ELL3: variants seen among roughly 807,000 people sequenced by gnomAD.
The protein encoded by ELL3 is RNA polymerase II elongation factor ELL3.
ELL3 carries 48 observed loss-of-function variants against 58.5 expected under a neutral mutation model. The observed-to-expected ratio is 0.82, with a 90% confidence interval of 0.65 to 1.04. The LOEUF is 1.04. Among genes scored for constraint, ELL3 ranks in the 50% least tolerant of loss-of-function variants. The pLI is 0.00. For missense variants in ELL3, 458 were observed against 478.4 expected, an observed-to-expected ratio of 0.96 and a Z score of 0.40; for synonymous variants, 174 against 173.2, an observed-to-expected ratio of 1.00 and a Z score of -0.04.
In ELL3 at chr15:43,772,886, T is replaced by A. The variant is rs369454452; in HGVS notation, c.*230A>T. ...TAAAGGTAAAAAAGCCAAGCCTCTG[T>A]CACTTTTCCTAGACTCCTAGGCACA... On this transcript the variant is annotated 3_prime_UTR_variant, in exon 11 of 11. Coordinates refer to ENST00000319359, the MANE Select transcript of ELL3 (RefSeq NM_025165.3). 8 of 373,946 alleles carry A rather than the reference T, an allele frequency of 2.1e-5. No individual in the cohort carries two copies. The highest frequency in any genetic ancestry group is 1.7e-4 in the African/African-American group (8 of 48,026). The allele number at this position is 373,946 out of a possible 1,614,324, so 23.2% of individuals were successfully genotyped here.
chr15:43,775,410 T>A (rs755067689), intron 5 of ELL3, 29 bp from the exon 6 acceptor site: 2 of 1,610,472 alleles, frequency 1.2e-6, no homozygotes, highest in Middle Eastern at 1.7e-4. Context: ...ATGGGACAGA[T>A]GAAGACCAGG....
At position 43,776,890 on chromosome 15, in the gene ELL3, G is replaced by A; in HGVS notation, c.12C>T (p.Leu4=). The change falls in exon 1 of 11, where the codon CTC becomes CTT. Residue 4 remains leucine (L), a synonymous_variant. Transcript: ENST00000319359. ...GGAGCTGTCCTCTCAGAGGCTCCTG[G>A]AGCTCCTCCATGGCGACGAGTTCGA... MEE[L]QEPLRGQLRL... is the part of the protein sequence containing the mutation. 1 of 1,611,186 alleles carries A rather than the reference G, an allele frequency of 6.2e-7. No homozygotes were observed. The highest frequency in any genetic ancestry group is 8.5e-7 in the Non-Finnish European group (1 of 1,179,826).
In ELL3 at chr15:43,775,552, C is replaced by CT; in HGVS notation, c.541dup (p.Arg181LysfsTer80). Reference sequence around the variant, plus strand: ...CACTTCCCACTGTGCCATGTGCTCCCTTGAGGATCCTGGGAGTGACTGTCC... The same window carrying CT: ...CACTTCCCACTGTGCCATGTGCTCCCTTTGAGGATCCTGGGAGTGACTGTCC... On this transcript the variant is annotated frameshift_variant, in exon 5 of 11. Coordinates refer to ENST00000319359, the MANE Select transcript of ELL3 (RefSeq NM_025165.3). LOFTEE classifies it high-confidence loss of function. 3.1e-6 allele frequency: 5 copies of CT among 1,614,170 alleles called. No homozygotes were observed. Among genetic ancestry groups the CT allele is most frequent in the Non-Finnish European group, 4.2e-6 (5 of 1,180,022 alleles).
rs763915130 is a variant in ELL3 at position 43,776,048 on chromosome 15, C to A, written c.272G>T (p.Arg91Leu). Residue 91 changes from arginine to leucine, a missense_variant, in exon 3 of 11, where the codon CGC becomes CTC. Physicochemically the swap from Arg to Leu is moderately radical, Grantham distance 102 (BLOSUM62 -2). Coordinates refer to ENST00000319359, the MANE Select transcript of ELL3 (RefSeq NM_025165.3). ...AGGSLDLVCQ[R>L]FLRSGPNSLH... ...ACCTGTTCCCCCTCACCTGAGGAAG[C>A]GTTGGCACACAAGGTCCAAGCTACC... is the stretch of plus-strand genomic sequence containing the variant. 2.5e-6 allele frequency: 4 copies of A among 1,613,946 alleles called. No homozygotes were observed. Among genetic ancestry groups the A allele is most frequent in the African/African-American group, 2.7e-5 (2 of 74,898 alleles).
rs770900024 is a variant in ELL3, at chr15:43,775,419, G to C, written c.570-38C>G. 5.0e-6 allele frequency: 8 copies of C among 1,608,018 alleles called. No homozygotes were observed. The East Asian group carries it at 1.1e-4, about 22-fold the overall frequency. ...AAGGGAATGGGACAGATGAAGACCA[G>C]GGTAGGAGGTGGAACTGGATCTTTT... On this transcript the variant is annotated intron_variant, in intron 5 of 10. Coordinates refer to ENST00000319359, the MANE Select transcript of ELL3 (RefSeq NM_025165.3).
rs1244771253 is a variant in ELL3, at chr15:43,774,209, T to C, written c.1011A>G (p.Arg337=). ...RFIELGAEIK[R]VRRGTPEYKV... is the part of the protein sequence containing the mutation. ...TGTATTCTGGAGTTCCTCGCCGAACTCTTTTAATCTCTGCTCCCAGCTCTA... is the reference window on the plus strand; with the variant it reads ...TGTATTCTGGAGTTCCTCGCCGAACCCTTTTAATCTCTGCTCCCAGCTCTA... The change falls in exon 9 of 11, where the codon AGA becomes AGG. Residue 337 remains arginine (R), a synonymous_variant. Transcript: ENST00000319359. 6.2e-7 allele frequency: 1 copy of C among 1,614,092 alleles called. No homozygotes were observed. The highest frequency in any genetic ancestry group is 1.3e-5 in the African/African-American group (1 of 74,932).
chr15:43,773,956 T>G (rs527477871), intron 9 of ELL3, among the ~76,000 whole-genome samples: 11 of 152,056 alleles, frequency 7.2e-5, no homozygotes, highest in African/African-American at 2.7e-4. Flanking sequence ...GAGCCAAGAT[T>G]GCGCCACTGC....
rs374276843 is a variant in ELL3, at chr15:43,774,592, T to A, written c.823+4A>T. 6.5e-5 allele frequency: 105 copies of A among 1,613,848 alleles called. No homozygotes were observed. Among genetic ancestry groups the A allele is most frequent in the Non-Finnish European group, 8.4e-5 (99 of 1,179,960 alleles). ...GCATTTTTACCCTCCTCTCATTAACTCACCTTCTTGAACTGAGGAACTGTG... is the reference window on the plus strand; with the variant it reads ...GCATTTTTACCCTCCTCTCATTAACACACCTTCTTGAACTGAGGAACTGTG... On this transcript the variant is annotated splice_donor_region_variant and intron_variant, in intron 7 of 10. Coordinates refer to ENST00000319359, the MANE Select transcript of ELL3 (RefSeq NM_025165.3).
chr15:43,775,199 C>T (rs2141661634), intron 6 of ELL3, 107 bp downstream of exon 6: 1 of 1,169,450 alleles, frequency 8.6e-7, no homozygotes, highest in South Asian at 1.7e-5. Flanking sequence ...TAACGAGCTT[C>T]CAATTTCTAA....
In ELL3 at chr15:43,772,834, C is replaced by G. The variant is rs539034243; in HGVS notation, c.*282G>C. Reference sequence around the variant, plus strand: ...TTATCCTGAAGATGATGTCATTTCTCAGGACTTGAAAATGACTTGGCTGAA... The same window carrying G: ...TTATCCTGAAGATGATGTCATTTCTGAGGACTTGAAAATGACTTGGCTGAA... On this transcript the variant is annotated 3_prime_UTR_variant, in exon 11 of 11. Coordinates refer to ENST00000319359, the MANE Select transcript of ELL3 (RefSeq NM_025165.3). 7.0e-6 allele frequency: 2 copies of G among 284,884 alleles called. No homozygotes were observed. Among genetic ancestry groups the G allele is most frequent in the African/African-American group, 4.3e-5 (2 of 46,078 alleles). 17.6% of individuals were successfully genotyped at this position (284,884 alleles called of 1,614,324 possible).
At position 43,774,328 on chromosome 15, in the gene ELL3, C is replaced by T. The variant is rs2086899146; in HGVS notation, c.892G>A (p.Glu298Lys). 6.2e-7 allele frequency: 1 copy of T among 1,614,124 alleles called. No homozygotes were observed. Among genetic ancestry groups the T allele is most frequent in the Non-Finnish European group, 8.5e-7 (1 of 1,180,046 alleles). Residue 298 changes from glutamate (E) to lysine (K), a missense_variant, in exon 9 of 11, where the codon GAA becomes AAA. Coordinates refer to ENST00000319359, the MANE Select transcript of ELL3 (RefSeq NM_025165.3). ...TCCTGCTCATAGGCATGTTGCTGTT[C>T]TGCACTGTGGATGGCCCTGTATTGC... ...LLQYRAIHSA[E>K]QQHAYEQDFE...
chr15:43,775,967 T>A, intron 3 of ELL3, 44 bp from the exon 4 acceptor site: 2 of 1,612,360 alleles, frequency 1.2e-6, no homozygotes, highest in Non-Finnish European at 1.7e-6. Flanking sequence ...GGAGACCTCT[T>A]AAGCACCTCT....
chr15:43,773,422 G>A (rs913593584), intron 9 of ELL3, 74 bp from the exon 10 acceptor site: 52 of 1,537,040 alleles, frequency 3.4e-5, no homozygotes, highest in Non-Finnish European at 4.4e-5. Context: ...GGTGGCTCAC[G>A]CCTGTAATCC....
chr15:43,773,988 C>A (rs2086896874), intron 9 of ELL3, among the ~76,000 whole-genome samples, 194 bp downstream of exon 9: 2 of 152,132 alleles, frequency 1.3e-5, no homozygotes, highest in Admixed American at 1.3e-4. Flanking sequence ...AGAGACGGAG[C>A]TAGACTGTCC....
Position 43,775,538 on chromosome 15 carries a change from G to C in ELL3, c.556C>G (p.Gln186Glu), listed in dbSNP as rs751782159. ...CATCCAAAGTACCTCACTTCCCACT[G>C]TGCCATGTGCTCCCTTGAGGATCCT... The part of the protein sequence containing the change: ...LPGSSREHMA[Q>E]WEVRSQTHVP... Residue 186 changes from glutamine (Q) to glutamate (E), a missense_variant, in exon 5 of 11, where the codon CAG becomes GAG. By Grantham distance (29) the Gln-to-Glu change is conservative. Transcript: ENST00000319359. The C allele has an allele frequency of 6.2e-7, 1 of 1,614,162 alleles. No homozygotes were observed. Among genetic ancestry groups the C allele is most frequent in the Non-Finnish European group, 8.5e-7 (1 of 1,180,030 alleles).
chr15:43,775,356 C>G lies in ELL3; in HGVS notation c.595G>C (p.Glu199Gln). 1 of 1,613,516 alleles carries G rather than the reference C, an allele frequency of 6.2e-7. No homozygotes were observed. The highest frequency in any genetic ancestry group is 2.2e-5 in the East Asian group (1 of 44,866). ...VRSQTHVPNREPVQALPSSAS... is the reference protein window; with the variant it reads ...VRSQTHVPNRQPVQALPSSAS... ...GAGGAAGGCAGTGCCTGAACAGGTT[C>G]TCTGTTTGGAACATGGGTCTGGCTT... Residue 199 changes from glutamate to glutamine, a missense_variant, in exon 6 of 11, where the codon GAA becomes CAA. By Grantham distance (29) the Glu-to-Gln change is conservative. Coordinates refer to ENST00000319359, the MANE Select transcript of ELL3 (RefSeq NM_025165.3).
At position 43,774,254 on chromosome 15, in the gene ELL3, C is replaced by G. The variant is rs764265306; in HGVS notation, c.966G>C (p.Gly322=). Residue 322 remains glycine (G), a synonymous_variant, in exon 9 of 11, where the codon GGG becomes GGC. Coordinates refer to ENST00000319359, the MANE Select transcript of ELL3 (RefSeq NM_025165.3). Reference sequence around the variant, plus strand: ...GCTCTATGAACCTTTGGCTTGCAGTCCCAACACGGGCATGCAGGATGCGGT... The same window carrying G: ...GCTCTATGAACCTTTGGCTTGCAGTGCCAACACGGGCATGCAGGATGCGGT... ...AEYRILHARV[G]TASQRFIELG... 3.1e-6 allele frequency: 5 copies of G among 1,614,162 alleles called. No individual in the cohort carries two copies. In the African/African-American group the frequency reaches 4.0e-5, roughly 13 times the overall value.
intron 2 of ELL3, 44 bp downstream of exon 2, chr15:43,776,465 T>G: frequency 6.4e-7 from 1 of 1,555,436 alleles, no homozygotes; most frequent in Non-Finnish European, 8.7e-7. Context: ...ACGTTTATGC[T>G]CCCTCGCCCT....
In ELL3 at chr15:43,776,490, A is replaced by T; in HGVS notation, c.168+19T>A. On this transcript the variant is annotated intron_variant, in intron 2 of 10. Transcript: ENST00000319359. The stretch of plus-strand genomic sequence containing the variant: ...TCCCTCGCCCTCACCTCGCTCACAC[A>T]CCCTGAGCTCGCACTTACCCCTCGG... 1 of 1,560,206 alleles carries T rather than the reference A, an allele frequency of 6.4e-7. No homozygotes were observed. The highest frequency in any genetic ancestry group is 8.7e-7 in the Non-Finnish European group (1 of 1,151,120).
Sources: allele counts gnomAD v4.1 joint callset (sites outside exome capture counted in the v4.1 genomes callset), GRCh38; gene constraint gnomAD v4.1.1; transcripts MANE v1.5; gene names NCBI Gene and HGNC (gene_info 2026-07-23, HGNC 2026-07-21).